Variants in CAMTA1 observed in about 807,000 individuals in gnomAD.
The protein encoded by CAMTA1 is calmodulin-binding transcription activator 1.
A neutral mutation model predicts 170.9 loss-of-function variants in CAMTA1; 27 were observed. The observed-to-expected ratio is 0.16, with a 90% CI of 0.12 to 0.22. CAMTA1 has a LOEUF of 0.22. Ranked by LOEUF, CAMTA1 falls within the 10% of genes least tolerant of loss-of-function variation. CAMTA1 has a pLI of 1.00. For missense variants in CAMTA1, 1,619 were observed against 2,217.2 expected (o/e 0.73, Z 5.42); for synonymous variants, 833 against 891.5 (o/e 0.93, Z 1.17).
chr1:7,315,315 C>T (rs571719353), intron 5 of CAMTA1, among the ~76,000 whole-genome samples: 1 of 152,324 alleles, frequency 6.6e-6, no homozygotes, highest in East Asian at 1.9e-4. Flanking sequence ...AGGCCTTGGC[C>T]TGACTCTATT....
At chr1:6,881,780 A>G (rs1183320804) in intron 3 of CAMTA1, among the ~76,000 whole-genome samples, 1 of 152,146 alleles carries the variant, frequency 6.6e-6, no homozygotes, top group Non-Finnish European at 1.5e-5. Flanking sequence ...AGCCTGGCCA[A>G]CATAATGAAA....
At position 7,665,996 on chromosome 1, in the gene CAMTA1, C is replaced by G. The variant is rs938364781; in HGVS notation, c.2652+797C>G. Among the ~76,000 whole-genome samples, 1 of 151,836 alleles carries G rather than the reference C, an allele frequency of 6.6e-6. No individual in the cohort carries two copies. Among genetic ancestry groups the G allele is most frequent in the Non-Finnish European group, 1.5e-5 (1 of 67,986 alleles). ...TAGCCTGGCCAACATGGTGAAACCCCGTCTCTACTAAAAATACAAAAAATT... is the reference window on the plus strand; with the variant it reads ...TAGCCTGGCCAACATGGTGAAACCCGGTCTCTACTAAAAATACAAAAAATT... On this transcript the variant is annotated intron_variant, in intron 9 of 22. Coordinates refer to ENST00000303635, the MANE Select transcript of CAMTA1 (RefSeq NM_015215.4). This position sits in a 1 kb window ranked among gnomAD's most constrained non-coding sequence, Gnocchi z 4.3.
Position 7,752,542 on chromosome 1 carries a change from G to A in CAMTA1, c.4958+9G>A, listed in dbSNP as rs774170473. 6.3e-7 allele frequency: 1 copy of A among 1,593,702 alleles called. No homozygotes were observed. Among genetic ancestry groups the A allele is most frequent in the South Asian group, 1.1e-5 (1 of 87,352 alleles). On this transcript the variant is annotated intron_variant, in intron 21 of 22. Coordinates refer to ENST00000303635, the MANE Select transcript of CAMTA1 (RefSeq NM_015215.4). ...CGCCGCTGTCGCCACAGGTACACTA[G>A]TCCTTGTTTATACATTCTGCTCAGG... is the stretch of plus-strand genomic sequence containing the variant.
intron 1 of CAMTA1, among the ~76,000 whole-genome samples, chr1:6,786,242 C>T (rs1639301016): frequency 6.6e-6 from 1 of 151,922 alleles, no homozygotes; most frequent in African/African-American, 2.4e-5. Flanking sequence ...CCTCGTGTGA[C>T]CCCTCCCCCT....
chr1:7,102,377 C>T (rs577427290), intron 4 of CAMTA1, among the ~76,000 whole-genome samples: 2 of 152,124 alleles, frequency 1.3e-5, no homozygotes, highest in South Asian at 2.1e-4. Flanking sequence ...TGGTGGCTGG[C>T]GTTGTGACTT....
At chr1:7,124,463 T>G (rs892241896) in intron 4 of CAMTA1, among the ~76,000 whole-genome samples, 1 of 152,234 alleles carries the variant, frequency 6.6e-6, no homozygotes, top group African/African-American at 2.4e-5. Context: ...CGTCATTCCT[T>G]CTTTGCCAGG....
intron 3 of CAMTA1, among the ~76,000 whole-genome samples, chr1:6,864,144 GTGTT>G (rs1220257920): frequency 6.6e-6 from 1 of 152,204 alleles, no homozygotes; most frequent in African/African-American, 2.4e-5. Flanking sequence ...GGCTGAGGTA[GTGTT>G]TGTTAGATTT....
rs565208013 is a variant in CAMTA1 at position 7,629,486 on chromosome 1, G to A, written c.511-10914G>A. Reference sequence around the variant, plus strand: ...AATGAGTCTCATACGTTGACTGCCCGCTGTGTAGTTTGATTGTGCTAAAAT... The same window carrying A: ...AATGAGTCTCATACGTTGACTGCCCACTGTGTAGTTTGATTGTGCTAAAAT... On this transcript the variant is annotated intron_variant, in intron 6 of 22. Transcript: ENST00000303635. 4.6e-5 allele frequency among the ~76,000 whole-genome samples: 7 copies of A among 152,316 alleles called. No individual in the cohort carries two copies. The South Asian group carries it at 6.2e-4, about 14-fold the overall frequency.
intron 3 of CAMTA1, among the ~76,000 whole-genome samples, chr1:6,963,790 C>T (rs939114546): frequency 2.0e-5 from 3 of 152,130 alleles, no homozygotes; most frequent in Non-Finnish European, 4.4e-5. Context: ...AGGTGGCGAC[C>T]GTGCGAGCAG....
At chr1:7,337,754 A>C (rs967475265) in intron 5 of CAMTA1, among the ~76,000 whole-genome samples, 4 of 152,176 alleles carry the variant, frequency 2.6e-5, no homozygotes, top group Non-Finnish European at 5.9e-5. Context: ...GAGCAGACCG[A>C]GGTTTCCCTA....
chr1:7,285,158 C>A (rs770434156), intron 5 of CAMTA1, among the ~76,000 whole-genome samples: 1 of 152,202 alleles, frequency 6.6e-6, no homozygotes, highest in Non-Finnish European at 1.5e-5. Context: ...TGTTTACAGG[C>A]AGCTCACTTC....
At chr1:7,407,147 G>A (rs894445818) in intron 5 of CAMTA1, among the ~76,000 whole-genome samples, 2 of 152,208 alleles carry the variant, frequency 1.3e-5, no homozygotes, top group African/African-American at 4.8e-5. Context: ...TGGTGCCATC[G>A]CCGCTCGGCC....
intron 3 of CAMTA1, among the ~76,000 whole-genome samples, chr1:7,034,475 A>G (rs984744899): frequency 5.9e-5 from 9 of 152,166 alleles, no homozygotes; most frequent in Non-Finnish European, 1.0e-4. Context: ...TAATCCTGTT[A>G]AAAGGTGTTA....
chr1:7,246,658 A>C (rs1574172455), intron 4 of CAMTA1, among the ~76,000 whole-genome samples: 1 of 138,410 alleles, frequency 7.2e-6, no homozygotes, highest in African/African-American at 2.7e-5. Flanking sequence ...CCTTCCCACC[A>C]GCTCTGACCT....
intron 4 of CAMTA1, among the ~76,000 whole-genome samples, chr1:7,236,423 G>A (rs1261192152): frequency 6.6e-6 from 1 of 152,196 alleles, no homozygotes; most frequent in African/African-American, 2.4e-5. Flanking sequence ...GCCATGGGCG[G>A]TTCTTGGGCT....
chr1:6,841,717 A>G (rs1316671336), intron 3 of CAMTA1, among the ~76,000 whole-genome samples: 1 of 152,194 alleles, frequency 6.6e-6, no homozygotes, highest in Non-Finnish European at 1.5e-5. Context: ...GCATTAGTGT[A>G]GTGTCTACTG....
At position 7,092,101 on chromosome 1, in the gene CAMTA1, C is replaced by G. The variant is rs187460994; in HGVS notation, c.302+730C>G. ...TCGGAAATACATGGCCACTCTCTTC[C>G]AATTGCCGTAAGTTTTCTGTTAGCA... On this transcript the variant is annotated intron_variant, in intron 4 of 22. Coordinates refer to ENST00000303635, the MANE Select transcript of CAMTA1 (RefSeq NM_015215.4). The surrounding 1 kb of genome is among the most constrained non-coding windows in gnomAD (Gnocchi z 5.0). Among the ~76,000 whole-genome samples, 2 of 152,184 alleles carry G rather than the reference C, an allele frequency of 1.3e-5. No individual in the cohort carries two copies. The highest frequency in any genetic ancestry group is 4.8e-5 in the African/African-American group (2 of 41,438).
At chr1:7,578,213 C>T (rs543994321) in intron 6 of CAMTA1, among the ~76,000 whole-genome samples, 64 of 152,322 alleles carry the variant, frequency 4.2e-4, no homozygotes, top group African/African-American at 1.5e-3. Flanking sequence ...CTAAAAGAAT[C>T]TAGGTGGTCA....
chr1:7,563,890 A>C (rs2094997184), intron 6 of CAMTA1, among the ~76,000 whole-genome samples: 1 of 152,176 alleles, frequency 6.6e-6, no homozygotes, highest in Non-Finnish European at 1.5e-5. Flanking sequence ...TAAGAACAGG[A>C]GAGCTAAGCA....
Sources: allele counts gnomAD v4.1 joint callset (sites outside exome capture counted in the v4.1 genomes callset), GRCh38; gene constraint gnomAD v4.1.1; non-coding constraint Gnocchi (gnomAD v3.1); transcripts MANE v1.5; gene names NCBI Gene and HGNC (gene_info 2026-07-23, HGNC 2026-07-21).